STK31: variants seen among roughly 807,000 people sequenced by gnomAD.
STK31 encodes the protein serine/threonine-protein kinase 31.
Under a neutral mutation model 129.7 loss-of-function variants are expected in STK31, and 89 were observed. The ratio of observed to expected loss-of-function variants is 0.69; its 90% CI spans 0.58 to 0.82. STK31 has a LOEUF of 0.82. Among genes scored for constraint, STK31 ranks in the 40% least tolerant of loss-of-function variants. The pLI is 0.00. For missense variants in STK31, 1,187 were observed against 1,176.4 expected (o/e 1.01, Z -0.13); for synonymous variants, 448 against 395.3 (o/e 1.13, Z -1.58).
At chr7:23,821,234 A>T (rs568786725) in intron 23 of STK31, among the ~76,000 whole-genome samples, 1 of 152,308 alleles carries the variant, frequency 6.6e-6, no homozygotes, top group South Asian at 2.1e-4. Flanking sequence ...TATTTTCCAT[A>T]GTGGCTATAC....
intron 4 of STK31, among the ~76,000 whole-genome samples, chr7:23,723,287 G>A (rs1269416649): frequency 2.0e-5 from 3 of 151,934 alleles, no homozygotes; most frequent in Non-Finnish European, 4.4e-5. Context: ...TATATTAATG[G>A]AGAATGAGCA....
At position 23,737,162 on chromosome 7, in the gene STK31, C is replaced by T. The variant is rs890122474; in HGVS notation, c.1017+84C>T. 8.1e-6 allele frequency: 10 copies of T among 1,237,668 alleles called. No individual in the cohort carries two copies. The African/African-American group carries it at 1.4e-4, about 17-fold the overall frequency. The allele number at this position is 1,237,668 out of a possible 1,614,324, so 76.7% of individuals were successfully genotyped here. ...CTGCTATTTATTTTTCTGTCACTTT[C>T]CTTTCCTTCCCCACCTCATTCTCTC... is the stretch of plus-strand genomic sequence containing the variant. On this transcript the variant is annotated intron_variant, in intron 8 of 23. Coordinates refer to ENST00000355870, the MANE Select transcript of STK31 (RefSeq NM_031414.5).
chr7:23,744,621 G>A (rs1377344516), intron 8 of STK31, among the ~76,000 whole-genome samples: 2 of 152,150 alleles, frequency 1.3e-5, no homozygotes, highest in Admixed American at 6.5e-5. Context: ...TCCTGAAGAT[G>A]TACCCATGGT....
At chr7:23,829,922 A>G (rs1311477596) in intron 23 of STK31, among the ~76,000 whole-genome samples, 3 of 152,096 alleles carry the variant, frequency 2.0e-5, no homozygotes, top group Non-Finnish European at 4.4e-5. Context: ...ATGTATAGTT[A>G]TTCATAATAG....
chr7:23,799,951 A>G (rs1012065476), intron 22 of STK31, among the ~76,000 whole-genome samples: 2 of 152,248 alleles, frequency 1.3e-5, no homozygotes, highest in Admixed American at 1.3e-4. Flanking sequence ...TCTCAAAAGA[A>G]GACATTTATG....
intron 18 of STK31, among the ~76,000 whole-genome samples, chr7:23,786,129 A>G (rs1791269702): frequency 6.6e-6 from 1 of 151,924 alleles, no homozygotes; most frequent in Non-Finnish European, 1.5e-5. Flanking sequence ...TGAACTTATT[A>G]TAGTCATCCA....
intron 11 of STK31, among the ~76,000 whole-genome samples, chr7:23,767,319 T>C (rs1205636130): frequency 1.3e-5 from 2 of 152,334 alleles, no homozygotes; most frequent in East Asian, 3.9e-4. Context: ...CTACCTTAGT[T>C]CTTTGCTGTT....
intron 5 of STK31, among the ~76,000 whole-genome samples, chr7:23,727,868 A>G (rs1787183249): frequency 6.6e-6 from 1 of 151,832 alleles, no homozygotes; most frequent in Non-Finnish European, 1.5e-5. Flanking sequence ...CCTGCCTCAG[A>G]TCTTAATAAT....
chr7:23,755,788 C>T (rs1282308873), intron 10 of STK31, among the ~76,000 whole-genome samples: 2 of 152,016 alleles, frequency 1.3e-5, no homozygotes, highest in African/African-American at 2.4e-5. Context: ...TCAGGTTTGT[C>T]GAAGATCAGA....
At chr7:23,721,923 C>A (rs973596807) in intron 4 of STK31, 82 of 362,426 alleles carry the variant, frequency 2.3e-4, no homozygotes, top group African/African-American at 1.7e-3. Context: ...TTCTCAGCTC[C>A]ATCAGGTCAT....
intron 22 of STK31, among the ~76,000 whole-genome samples, chr7:23,795,497 G>A (rs1041158235): frequency 1.6e-4 from 24 of 152,162 alleles, no homozygotes; most frequent in Non-Finnish European, 3.1e-4. Flanking sequence ...GAGGGGTTGG[G>A]GCTCCCACAC....
At chr7:23,765,177 A>C (rs12667016) in intron 11 of STK31, among the ~76,000 whole-genome samples, 149,143 of 152,186 alleles carry the variant, frequency 0.98, 73,173 homozygotes, top group East Asian at 1. Context: ...GCCTCAGCCT[A>C]CCTAGTAGCT....
chr7:23,832,074 C>G (rs529092123), intron 23 of STK31, 62 bp from the exon 24 acceptor site: 1 of 1,234,638 alleles, frequency 8.1e-7, no homozygotes, highest in East Asian at 2.3e-5. Flanking sequence ...AGTCCACTTC[C>G]TTCTTCATTA....
chr7:23,776,563 G>A (rs955373708), intron 15 of STK31, among the ~76,000 whole-genome samples: 1 of 152,194 alleles, frequency 6.6e-6, no homozygotes, highest in Admixed American at 6.5e-5. Flanking sequence ...TCTTGGGAGG[G>A]TGTATGTGTC....
At chr7:23,761,098 T>TA (rs1390932969) in intron 10 of STK31, among the ~76,000 whole-genome samples, 6 of 152,194 alleles carry the variant, frequency 3.9e-5, no homozygotes, top group Admixed American at 6.5e-5. Context: ...TGAAAAGATG[T>TA]AAAAAAACCT....
At chr7:23,830,062 G>A (rs1039370765) in intron 23 of STK31, among the ~76,000 whole-genome samples, 1 of 151,932 alleles carries the variant, frequency 6.6e-6, no homozygotes, top group African/African-American at 2.4e-5. Context: ...CCATTCTCCT[G>A]CCTCAGCCTT....
chr7:23,729,013 G>A (rs1458537679), intron 5 of STK31, 78 bp from the exon 6 acceptor site: 3 of 1,354,342 alleles, frequency 2.2e-6, no homozygotes, highest in Non-Finnish European at 2.9e-6. Flanking sequence ...GTCATTAACA[G>A]AGAGCAGCAA....
intron 22 of STK31, among the ~76,000 whole-genome samples, chr7:23,814,501 A>G (rs1017518981): frequency 3.9e-5 from 6 of 152,168 alleles, no homozygotes; most frequent in Non-Finnish European, 8.8e-5. Flanking sequence ...GTGTAAAAAT[A>G]AAAGACTGTC....
chr7:23,781,640 A>G lies in STK31; in HGVS notation c.2067+120A>G, dbSNP rs1401603995. 1.1e-5 allele frequency: 7 copies of G among 628,032 alleles called. No homozygotes were observed. The African/African-American group carries it at 1.1e-4, about 10-fold the overall frequency. The allele number at this position is 628,032 out of a possible 1,614,324, so 38.9% of individuals were successfully genotyped here. A position where few individuals can be genotyped will look rare whatever the true frequency, so the allele number is the denominator to read the frequency against. Reference sequence around the variant, plus strand: ...TAGAGGTATTATATAGAAAGTTTATATATATATTGACCTGGTAAGATTTTT... The same window carrying G: ...TAGAGGTATTATATAGAAAGTTTATGTATATATTGACCTGGTAAGATTTTT... On this transcript the variant is annotated intron_variant, in intron 16 of 23. Transcript: ENST00000355870.
Sources: allele counts gnomAD v4.1 joint callset (sites outside exome capture counted in the v4.1 genomes callset), GRCh38; gene constraint gnomAD v4.1.1; transcripts MANE v1.5; gene names NCBI Gene and HGNC (gene_info 2026-07-23, HGNC 2026-07-21).